SYT16: variants seen among roughly 807,000 people sequenced by gnomAD.
The protein encoded by SYT16 is synaptotagmin-16.
Under a neutral mutation model 61.4 loss-of-function variants are expected in SYT16, and 42 were observed. The observed-to-expected ratio is 0.68, with a 90% CI of 0.53 to 0.89. The LOEUF is 0.89. Among genes scored for constraint, SYT16 ranks in the 40% least tolerant of loss-of-function variants. The probability of loss-of-function intolerance (pLI) is 0.00; values close to 1 mark genes in which losing one functional copy is unlikely to be tolerated. For synonymous variants in SYT16, 314 were observed against 302.3 expected, an observed-to-expected ratio of 1.04 and a Z score of -0.40; for missense variants, 804 against 807.3, an observed-to-expected ratio of 1.00 and a Z score of 0.05.
intron 2 of SYT16, among the ~76,000 whole-genome samples, chr14:61,991,282 T>C (rs1228028364): frequency 6.6e-6 from 1 of 152,028 alleles, no homozygotes; most frequent in Non-Finnish European, 1.5e-5. Flanking sequence ...ACCTTAAATG[T>C]ATTTTTCCTT....
At position 61,996,015 on chromosome 14, in the gene SYT16, T is replaced by C; in HGVS notation, c.-5T>C. The C allele has an allele frequency of 6.3e-7, 1 of 1,575,022 alleles. No individual in the cohort carries two copies. Among genetic ancestry groups the C allele is most frequent in the South Asian group, 1.2e-5 (1 of 83,298 alleles). ...CTGGACACTGTAGACATCAGATAGC[T>C]GGCCATGGTGTTGGCCATGGCGTCT... On this transcript the variant is annotated 5_prime_UTR_variant, in exon 3 of 8. Coordinates refer to ENST00000683842, the MANE Select transcript of SYT16 (RefSeq NM_001367656.1).
intron 3 of SYT16, among the ~76,000 whole-genome samples, chr14:62,014,311 ATC>A (rs2053581325): frequency 2.0e-5 from 3 of 151,996 alleles, no homozygotes; most frequent in Non-Finnish European, 4.4e-5. Flanking sequence ...GTCCTTCTCA[ATC>A]TCTTATCCTT....
chr14:61,921,944 C>T (rs1468532321), intron 1 of SYT16, among the ~76,000 whole-genome samples: 1 of 152,206 alleles, frequency 6.6e-6, no homozygotes, highest in Non-Finnish European at 1.5e-5. Context: ...TTACCCCAAG[C>T]AAGTACTTCT....
At chr14:61,937,249 G>C (rs1041861030) in intron 1 of SYT16, among the ~76,000 whole-genome samples, 2 of 152,240 alleles carry the variant, frequency 1.3e-5, no homozygotes, top group African/African-American at 2.4e-5. Context: ...GCTGGAGCAA[G>C]GCCAGTGTTA....
intron 1 of SYT16, among the ~76,000 whole-genome samples, chr14:61,822,858 A>G (rs1454993280): frequency 1.3e-5 from 2 of 152,242 alleles, no homozygotes; most frequent in Non-Finnish European, 2.9e-5. Context: ...AGTGAGACAA[A>G]TGAGAATTAT....
chr14:61,852,905 G>T (rs1449925421), intron 1 of SYT16, among the ~76,000 whole-genome samples: 5 of 152,242 alleles, frequency 3.3e-5, no homozygotes, highest in East Asian at 3.9e-4. Context: ...TATTATTGAT[G>T]ATTTAAAGCA....
intron 3 of SYT16, among the ~76,000 whole-genome samples, chr14:62,024,866 T>C (rs952074059): frequency 2.0e-5 from 3 of 152,118 alleles, no homozygotes; most frequent in Non-Finnish European, 4.4e-5. Context: ...ACCAGAATGT[T>C]ATATAGTTGG....
At chr14:62,031,481 G>A (rs1350417951) in intron 3 of SYT16, among the ~76,000 whole-genome samples, 2 of 152,088 alleles carry the variant, frequency 1.3e-5, no homozygotes, top group Admixed American at 6.6e-5. Flanking sequence ...TTGAACTTTC[G>A]GGCATCTTTT....
chr14:61,822,008 C>T, intron 1 of SYT16, among the ~76,000 whole-genome samples: 1 of 152,264 alleles, frequency 6.6e-6, no homozygotes, highest in African/African-American at 2.4e-5. Context: ...AATTGGCTAA[C>T]ACGATCACAA....
At chr14:61,926,320 C>T (rs1445693299) in intron 1 of SYT16, among the ~76,000 whole-genome samples, 1 of 152,148 alleles carries the variant, frequency 6.6e-6, no homozygotes, top group African/African-American at 2.4e-5. Context: ...TATTGCCACC[C>T]CTATGAAGGA....
rs377698808 is a variant in SYT16 at position 62,092,483 on chromosome 14, T to A, written c.1625-7911T>A. On this transcript the variant is annotated intron_variant, in intron 7 of 7. Transcript: ENST00000683842. Reference sequence around the variant, plus strand: ...CTAAAATGTGGAAGCAGCCTAAGTGTCCATTGAGGGATTAATGTATGAGCA... The same window carrying A: ...CTAAAATGTGGAAGCAGCCTAAGTGACCATTGAGGGATTAATGTATGAGCA... Among the ~76,000 whole-genome samples the A allele has an allele frequency of 7.2e-5, 11 of 152,158 alleles. No individual in the cohort carries two copies. In the East Asian group the frequency reaches 2.1e-3, roughly 29 times the overall value.
At chr14:61,943,244 C>G (rs2050280424) in intron 1 of SYT16, among the ~76,000 whole-genome samples, 1 of 152,112 alleles carries the variant, frequency 6.6e-6, no homozygotes, top group Admixed American at 6.6e-5. Context: ...TAATTAATAG[C>G]CTACCAACCA....
chr14:61,848,472 T>A (rs2046510638), intron 1 of SYT16, among the ~76,000 whole-genome samples: 1 of 152,086 alleles, frequency 6.6e-6, no homozygotes, highest in African/African-American at 2.4e-5. Flanking sequence ...GGAGGACACA[T>A]GACATAAGCA....
chr14:62,042,095 G>A (rs909772117), intron 3 of SYT16, among the ~76,000 whole-genome samples: 2 of 151,992 alleles, frequency 1.3e-5, no homozygotes, highest in Non-Finnish European at 2.9e-5. Flanking sequence ...GTAATTTCTA[G>A]CTCCATGTCA....
At chr14:61,897,025 A>T (rs965580810) in intron 1 of SYT16, among the ~76,000 whole-genome samples, 1 of 152,242 alleles carries the variant, frequency 6.6e-6, no homozygotes, top group African/African-American at 2.4e-5. Flanking sequence ...ATGAGCAAAG[A>T]ATAGTTCTTA....
intron 6 of SYT16, 102 bp from the exon 7 acceptor site, chr14:62,084,094 T>C (rs965852070): frequency 1.4e-5 from 20 of 1,396,474 alleles, no homozygotes; most frequent in East Asian, 2.5e-5. Flanking sequence ...TTGGCAGTCA[T>C]TGGGGATTGG....
intron 1 of SYT16, among the ~76,000 whole-genome samples, chr14:61,813,767 C>A (rs1476637484): frequency 6.7e-6 from 1 of 148,768 alleles, no homozygotes; most frequent in African/African-American, 2.5e-5. Flanking sequence ...AAACAAAAAT[C>A]AAATGGTGTG....
chr14:62,018,315 T>C (rs1343858560), intron 3 of SYT16, among the ~76,000 whole-genome samples: 1 of 137,384 alleles, frequency 7.3e-6, no homozygotes, highest in Non-Finnish European at 1.6e-5. Flanking sequence ...TTTTTTTTTT[T>C]TTTTTTTTTT....
At chr14:62,014,441 G>C (rs922760871) in intron 3 of SYT16, among the ~76,000 whole-genome samples, 1 of 151,568 alleles carries the variant, frequency 6.6e-6, no homozygotes, top group Non-Finnish European at 1.5e-5. Context: ...CCTTAATTCA[G>C]ATATGCATCC....
Sources: gnomAD v4.1 joint callset for allele counts (sites outside exome capture counted in the v4.1 genomes callset) on GRCh38, gnomAD v4.1.1 for gene constraint, MANE v1.5 for transcripts, NCBI Gene and HGNC (gene_info 2026-07-23, HGNC 2026-07-21) for gene names.